Variants in TECPR1 observed in about 807,000 individuals in gnomAD.
TECPR1 encodes the protein tectonin beta-propeller repeat containing 1, also known as tectonin beta-propeller repeat-containing protein 1.
Under a neutral mutation model 162.4 loss-of-function variants are expected in TECPR1, and 122 were observed. The ratio of observed to expected loss-of-function variants is 0.75; its 90% CI spans 0.65 to 0.87. The LOEUF (loss-of-function observed/expected upper bound fraction) is 0.87. Ranked by LOEUF, TECPR1 falls within the 40% of genes least tolerant of loss-of-function variation. The pLI is 0.00. For synonymous variants in TECPR1, 642 were observed against 670.6 expected, an observed-to-expected ratio of 0.96 and a Z score of 0.66; for missense variants, 1,432 against 1,618.2, an observed-to-expected ratio of 0.88 and a Z score of 1.97.
At position 98,241,056 on chromosome 7, in the gene TECPR1, G is replaced by A; in HGVS notation, c.832+14C>T. On this transcript the variant is annotated intron_variant, in intron 7 of 25. Coordinates refer to ENST00000447648, the MANE Select transcript of TECPR1 (RefSeq NM_015395.3). This position sits in a 1 kb window ranked among gnomAD's most constrained non-coding sequence, Gnocchi z 5.0. ...CAGTACAGGGTATGTGGGTGGGGGA[G>A]CCGGGCTGCCCACCTTTGGGATTGC... 6.3e-7 allele frequency: 1 copy of A among 1,596,808 alleles called. No individual in the cohort carries two copies. Among genetic ancestry groups the A allele is most frequent in the South Asian group, 1.1e-5 (1 of 88,888 alleles).
In TECPR1 at chr7:98,231,124, G is replaced by A. The variant is rs1469820031; in HGVS notation, c.2125-6C>T. On this transcript the variant is annotated splice_region_variant and splice_polypyrimidine_tract_variant and intron_variant, in intron 14 of 25. Coordinates refer to ENST00000447648, the MANE Select transcript of TECPR1 (RefSeq NM_015395.3). ...GACAGGCTGAGCAGGGCGAGCTGGT[G>A]TGGCACAATGCCGGTCACTGCTGAG... 1.2e-6 allele frequency: 2 copies of A among 1,601,982 alleles called. No homozygotes were observed. Among genetic ancestry groups the A allele is most frequent in the African/African-American group, 1.3e-5 (1 of 74,724 alleles).
chr7:98,233,674 G>A lies in TECPR1; in HGVS notation c.1419C>T (p.Asn473=), dbSNP rs1418209338. Residue 473 remains asparagine, a synonymous_variant, in exon 11 of 26, where the codon AAC becomes AAT. Coordinates refer to ENST00000447648, the MANE Select transcript of TECPR1 (RefSeq NM_015395.3). ...PAEGSREARP[N]THPGPAPTPA... ...GGGTGGGGGCCGGGCCGGGGTGCGT[G>A]TTGGGTCTGGCCTCCCTGCTGCCCT... is the stretch of plus-strand genomic sequence containing the variant. The A allele has an allele frequency of 5.0e-6, 8 of 1,604,948 alleles. No individual in the cohort carries two copies. The highest frequency in any genetic ancestry group is 6.8e-6 in the Non-Finnish European group (8 of 1,174,686).
rs1023000425 is a variant in TECPR1, at chr7:98,226,654, G to A, written c.2513+1360C>T. On this transcript the variant is annotated intron_variant, in intron 17 of 25. Coordinates refer to ENST00000447648, the MANE Select transcript of TECPR1 (RefSeq NM_015395.3). ...GAAAAGGCAGAAGTGGAGGCCGGGC[G>A]CAGTGGCTCTCGCCTGATGATGCCT... 3.6e-5 allele frequency: 39 copies of A among 1,093,684 alleles called. No homozygotes were observed. The South Asian group carries it at 4.3e-4, about 12-fold the overall frequency. 67.7% of individuals were successfully genotyped at this position (1,093,684 alleles called of 1,614,324 possible). A position where few individuals can be genotyped will look rare whatever the true frequency, so the allele number is the denominator to read the frequency against.
At chr7:98,224,906 G>A (rs1390696754) in intron 18 of TECPR1, 26 bp from the exon 19 acceptor site, 7 of 1,553,702 alleles carry the variant, frequency 4.5e-6, no homozygotes, top group Non-Finnish European at 6.1e-6. Flanking sequence ...CAGTGAGGAT[G>A]GGACCCCCCG....
At position 98,217,159 on chromosome 7, in the gene TECPR1, C is replaced by A. The variant is rs180891863; in HGVS notation, c.*231G>T. 365 of 483,890 alleles carry A rather than the reference C, an allele frequency of 7.5e-4. 1 individual carries two copies. The highest frequency in any genetic ancestry group is 1.4e-3 in the Admixed American group (38 of 26,816). The allele number at this position is 483,890 out of a possible 1,614,324, so 30.0% of individuals were successfully genotyped here. A position where few individuals can be genotyped will look rare whatever the true frequency, so the allele number is the denominator to read the frequency against. ...AGGTGCAGCCCCACCCCATGCCCCA[C>A]ACCCCGGGACTCCTCGCAGACGGGG... On this transcript the variant is annotated 3_prime_UTR_variant, in exon 26 of 26. Transcript: ENST00000447648.
intron 11 of TECPR1, 81 bp from the exon 12 acceptor site, chr7:98,233,053 A>G: frequency 6.8e-7 from 1 of 1,464,622 alleles, no homozygotes; most frequent in Non-Finnish European, 9.1e-7. Flanking sequence ...CCCCTCCACC[A>G]AATCAGCCCT....
At position 98,231,084 on chromosome 7, in the gene TECPR1, C is replaced by A. The variant is rs762554072; in HGVS notation, c.2159G>T (p.Arg720Leu). ...ALLSLSCCES[R>L]KVQGRPSPQA... ...CGGGGACGGGCGGCCCTGCACCTTCCGGCTCTCGCAGCAAGACAGGCTGAG... is the reference window on the plus strand; with the variant it reads ...CGGGGACGGGCGGCCCTGCACCTTCAGGCTCTCGCAGCAAGACAGGCTGAG... Residue 720 changes from arginine to leucine, a missense_variant, in exon 15 of 26, where the codon CGG (arginine) becomes CTG (leucine). Physicochemically the swap from Arg to Leu is moderately radical, Grantham distance 102. Transcript: ENST00000447648. 4.4e-6 allele frequency: 7 copies of A among 1,605,194 alleles called. No individual in the cohort carries two copies. The highest frequency in any genetic ancestry group is 2.7e-5 in the African/African-American group (2 of 74,674).
intron 6 of TECPR1, among the ~76,000 whole-genome samples, chr7:98,242,147 A>G (rs1003594821): frequency 2.0e-5 from 3 of 152,202 alleles, no homozygotes; most frequent in African/African-American, 7.2e-5. Flanking sequence ...TCCCAGGCCA[A>G]CGTGGCCGCA....
chr7:98,248,434 G>A (rs759736625), intron 2 of TECPR1, among the ~76,000 whole-genome samples: 1 of 149,758 alleles, frequency 6.7e-6, no homozygotes, highest in African/African-American at 2.5e-5. Flanking sequence ...CAGTGCTCCC[G>A]CAGCATACCA....
rs1255837711 is a variant in TECPR1, at chr7:98,225,048, G to A, written c.2568C>T (p.Cys856=). Residue 856 remains cysteine (C), a synonymous_variant, in exon 18 of 26, where the codon TGC becomes TGT. Transcript: ENST00000447648. ...MWSDASGLQE[C]TKAGTKPPSL... ...ACGGGGGCTTCGTGCCAGCCTTCGT[G>A]CACTCCTGCAGCCCCGAGGCATCGC... The A allele has an allele frequency of 6.4e-7, 1 of 1,562,612 alleles. No individual in the cohort carries two copies. The highest frequency in any genetic ancestry group is 1.2e-5 in the South Asian group (1 of 84,402).
At chr7:98,224,771 C>A (rs764331499) in intron 19 of TECPR1, 30 bp downstream of exon 19, 1 of 1,556,350 alleles carries the variant, frequency 6.4e-7, no homozygotes, top group South Asian at 1.2e-5. Context: ...CAGGACCCAG[C>A]CCGAAGGCCC....
chr7:98,235,342 G>T (rs916549750), intron 10 of TECPR1, among the ~76,000 whole-genome samples: 1 of 151,966 alleles, frequency 6.6e-6, no homozygotes, highest in African/African-American at 2.4e-5. Flanking sequence ...TGGCTAACAC[G>T]GTGAAACCTG....
chr7:98,226,504 GAC>G (rs1798282543), intron 17 of TECPR1: 1 of 1,025,826 alleles, frequency 9.7e-7, no homozygotes, highest in Admixed American at 5.5e-5. Flanking sequence ...CCCCAACACG[GAC>G]ACACAGTATG....
In TECPR1 at chr7:98,229,083, G is replaced by T; in HGVS notation, c.2366C>A (p.Thr789Lys). 6.3e-7 allele frequency: 1 copy of T among 1,590,674 alleles called. No homozygotes were observed. Among genetic ancestry groups the T allele is most frequent in the Non-Finnish European group, 8.6e-7 (1 of 1,169,390 alleles). ...ATAGCCGCCTGTGTATACCCAGGCC[G>T]TGTGGTCATAGCCGATGCCCCACAC... ...GVVWGIGYDH[T>K]AWVYTGGYGG... is the part of the protein sequence containing the mutation. The change falls in exon 16 of 26, where the codon ACG (threonine) becomes AAG (lysine). Residue 789 changes from threonine to lysine, a missense_variant. Transcript: ENST00000447648.
At chr7:98,223,782 A>G (rs1798205396) in intron 19 of TECPR1, 64 bp from the exon 20 acceptor site, 10 of 1,558,988 alleles carry the variant, frequency 6.4e-6, no homozygotes, top group Non-Finnish European at 8.8e-6. Context: ...GGGACCGTGC[A>G]TGTAAACATT....
chr7:98,231,801 C>A lies in TECPR1; in HGVS notation c.1974+3G>T. ...CCCCATCTCCTGTGGGACCCGTGGGCACCTTCTTCTCCTCGTGGACCACAT... is the reference window on the plus strand; with the variant it reads ...CCCCATCTCCTGTGGGACCCGTGGGAACCTTCTTCTCCTCGTGGACCACAT... On this transcript the variant is annotated splice_donor_region_variant and intron_variant, in intron 13 of 25. Coordinates refer to ENST00000447648, the MANE Select transcript of TECPR1 (RefSeq NM_015395.3). The A allele has an allele frequency of 6.2e-7, 1 of 1,610,342 alleles. No individual in the cohort carries two copies. Among genetic ancestry groups the A allele is most frequent in the Non-Finnish European group, 8.5e-7 (1 of 1,177,944 alleles).
At position 98,231,341 on chromosome 7, in the gene TECPR1, C is replaced by T. The variant is rs1284891843; in HGVS notation, c.2007G>A (p.Ala669=). 1.4e-5 allele frequency: 23 copies of T among 1,609,168 alleles called. No homozygotes were observed. The highest frequency in any genetic ancestry group is 2.2e-5 in the East Asian group (1 of 44,680). The part of the protein sequence containing the change: ...YIHIFLNEVV[A]LVPVLNETKH... ...TGGTCTCGTTCAGCACTGGGACCAGCGCCACCACCTCATTCAGGAATATGT... is the reference window on the plus strand; with the variant it reads ...TGGTCTCGTTCAGCACTGGGACCAGTGCCACCACCTCATTCAGGAATATGT... Residue 669 remains alanine, a synonymous_variant, in exon 14 of 26, where the codon GCG becomes GCA. Transcript: ENST00000447648.
chr7:98,238,616 G>C lies in TECPR1; in HGVS notation c.934-6C>G. The C allele has an allele frequency of 6.4e-7, 1 of 1,559,580 alleles. No homozygotes were observed. The highest frequency in any genetic ancestry group is 8.7e-7 in the Non-Finnish European group (1 of 1,151,584). On this transcript the variant is annotated splice_polypyrimidine_tract_variant and splice_region_variant and intron_variant, in intron 8 of 25. Coordinates refer to ENST00000447648, the MANE Select transcript of TECPR1 (RefSeq NM_015395.3). ...ACGCCTCTTCGGAACCACACCTGGGGGAGTCAGAAATAAACATGCCTTCCT... is the reference window on the plus strand; with the variant it reads ...ACGCCTCTTCGGAACCACACCTGGGCGAGTCAGAAATAAACATGCCTTCCT...
intron 15 of TECPR1, 138 bp downstream of exon 15, chr7:98,230,823 A>C: frequency 8.5e-7 from 1 of 1,174,444 alleles, no homozygotes; most frequent in African/African-American, 1.5e-5. Context: ...GGGGCCTGGG[A>C]ACCAGTGGCC....
Sources: gnomAD v4.1 joint callset for allele counts (sites outside exome capture counted in the v4.1 genomes callset) on GRCh38, gnomAD v4.1.1 for gene constraint, Gnocchi (gnomAD v3.1) non-coding constraint, MANE v1.5 for transcripts, NCBI Gene and HGNC (gene_info 2026-07-23, HGNC 2026-07-21) for gene names.